Variants in ROCK1 observed in about 807,000 individuals in gnomAD.
ROCK1 encodes rho-associated protein kinase 1.
Under a neutral mutation model 196.8 loss-of-function variants are expected in ROCK1, and 36 were observed. That is an observed-to-expected ratio of 0.18 (90% CI 0.14 to 0.24). The LOEUF is 0.24. ROCK1 is among the 10% of genes least tolerant of loss of function. The probability of loss-of-function intolerance (pLI) is 1.00; values close to 1 mark genes in which losing one functional copy is unlikely to be tolerated. For synonymous variants in ROCK1, 443 were observed against 515.9 expected, an observed-to-expected ratio of 0.86 and a Z score of 1.91; for missense variants, 920 against 1,562.0, an observed-to-expected ratio of 0.59 and a Z score of 6.93.
Position 20,970,392 on chromosome 18 carries a change from T to G in ROCK1, c.2776A>C (p.Arg926=), listed in dbSNP as rs45533032. Residue 926 remains arginine, a synonymous_variant, in exon 23 of 33, where the codon AGA becomes CGA. Coordinates refer to ENST00000399799, the MANE Select transcript of ROCK1 (RefSeq NM_005406.3). ...LTQESKKAAS[R]NRQEITDKDH... The stretch of plus-strand genomic sequence containing the variant: ...TTATCTGTAATCTCTTGTCTATTTC[T>G]TGAAGCAGCTTTCTTGCTTTCTTGC... 650 of 1,614,008 alleles carry G rather than the reference T, an allele frequency of 4.0e-4. 1 individual carries two copies. The African/African-American group carries it at 5.7e-3, about 14-fold the overall frequency.
At chr18:21,047,746 C>G (rs896910832) in intron 4 of ROCK1, among the ~76,000 whole-genome samples, 2 of 151,000 alleles carry the variant, frequency 1.3e-5, no homozygotes, top group African/African-American at 4.9e-5. Context: ...TGCAGTGAGC[C>G]GAGATCGCAC....
intron 12 of ROCK1, among the ~76,000 whole-genome samples, chr18:21,018,384 G>A (rs2035882997): frequency 6.6e-6 from 1 of 151,990 alleles, no homozygotes. Context: ...ACCAAAACTA[G>A]CCAGGCGTGG....
intron 12 of ROCK1, among the ~76,000 whole-genome samples, chr18:21,017,147 A>G (rs189508251): frequency 6.7e-6 from 1 of 149,466 alleles, no homozygotes; most frequent in East Asian, 2.0e-4. Context: ...ATATTCCTGT[A>G]TAATTTTATT....
chr18:20,983,501 T>C (rs1251742583), intron 20 of ROCK1, among the ~76,000 whole-genome samples: 1 of 151,906 alleles, frequency 6.6e-6, no homozygotes, highest in African/African-American at 2.4e-5. Context: ...TCAATAATTA[T>C]TTACTGTATA....
At chr18:21,078,359 C>T (rs1442347652) in intron 1 of ROCK1, among the ~76,000 whole-genome samples, 4 of 147,614 alleles carry the variant, frequency 2.7e-5, no homozygotes, top group Non-Finnish European at 5.9e-5. Flanking sequence ...CACACACACA[C>T]ACACACACAC....
Position 21,054,294 on chromosome 18 carries a change from T to C in ROCK1, c.176-4414A>G, listed in dbSNP as rs534067396. Reference sequence around the variant, plus strand: ...AACTTCAAACTTATATATGCAATTGTATATTCTTTAATTATATATTCTTTT... The same window carrying C: ...AACTTCAAACTTATATATGCAATTGCATATTCTTTAATTATATATTCTTTT... On this transcript the variant is annotated intron_variant, in intron 2 of 32. Coordinates refer to ENST00000399799, the MANE Select transcript of ROCK1 (RefSeq NM_005406.3). Among the ~76,000 whole-genome samples, 130 of 152,358 alleles carry C rather than the reference T, an allele frequency of 8.5e-4. 1 individual carries two copies. Among genetic ancestry groups the C allele is most frequent in the Non-Finnish European group, 1.5e-3 (105 of 68,030 alleles).
rs553340416 is a variant in ROCK1 at position 20,949,191 on chromosome 18, G to A, written c.*2193C>T. 6.6e-6 allele frequency: 1 copy of A among 152,206 alleles called. No homozygotes were observed. Among genetic ancestry groups the A allele is most frequent in the East Asian group, 1.9e-4 (1 of 5,188 alleles). 9.4% of individuals were successfully genotyped at this position (152,206 alleles called of 1,614,324 possible). ...GCTTAAACTAATTAGAATTAACTCT[G>A]TTCTCTGCAACTGGACCTTAAAATA... On this transcript the variant is annotated 3_prime_UTR_variant, in exon 33 of 33. Coordinates refer to ENST00000399799, the MANE Select transcript of ROCK1 (RefSeq NM_005406.3).
rs192335268 is a variant in ROCK1, at chr18:21,038,157, A to G, written c.1051+1315T>C. Among the ~76,000 whole-genome samples, 183 of 152,258 alleles carry G rather than the reference A, an allele frequency of 1.2e-3. 1 individual carries two copies. The highest frequency in any genetic ancestry group is 3.4e-3 in the Middle Eastern group (1 of 294). ...GAGAATAACCTGAATAAAAACACAA[A>G]AAGTGTTTTGATGTAACCATTTCTC... On this transcript the variant is annotated intron_variant, in intron 9 of 32. Coordinates refer to ENST00000399799, the MANE Select transcript of ROCK1 (RefSeq NM_005406.3).
At chr18:20,999,015 C>CT (rs1396308027) in intron 16 of ROCK1, among the ~76,000 whole-genome samples, 1 of 151,970 alleles carries the variant, frequency 6.6e-6, no homozygotes, top group East Asian at 1.9e-4. Flanking sequence ...CCAGTATTAC[C>CT]TTGATACCAA....
At chr18:21,021,091 G>C (rs144184373) in intron 11 of ROCK1, among the ~76,000 whole-genome samples, 2 of 152,314 alleles carry the variant, frequency 1.3e-5, no homozygotes, top group Admixed American at 1.3e-4. Context: ...GGAATGAAGA[G>C]GAAGTAATGG....
chr18:21,039,347 C>T (rs2143498570), intron 9 of ROCK1, 125 bp downstream of exon 9: 2 of 672,372 alleles, frequency 3.0e-6, no homozygotes, highest in Non-Finnish European at 5.1e-6. Flanking sequence ...GGACAATTCC[C>T]ATATAGTATT....
chr18:21,058,761 C>G (rs1181393722), intron 2 of ROCK1, among the ~76,000 whole-genome samples: 2 of 152,050 alleles, frequency 1.3e-5, no homozygotes, highest in Non-Finnish European at 2.9e-5. Context: ...TGTATTTTTG[C>G]AGAGACACAG....
At chr18:20,955,286 T>C in intron 29 of ROCK1, 41 bp from the exon 30 acceptor site, 1 of 1,545,394 alleles carries the variant, frequency 6.5e-7, no homozygotes, top group Non-Finnish European at 8.7e-7. Flanking sequence ...AAAAACTCAT[T>C]TATTGTAAAA....
chr18:21,096,925 A>G (rs1486437020), intron 1 of ROCK1, among the ~76,000 whole-genome samples: 2 of 152,212 alleles, frequency 1.3e-5, no homozygotes, highest in Non-Finnish European at 2.9e-5. Flanking sequence ...AAATTTCATG[A>G]GACTACAGGA....
chr18:21,100,866 C>T (rs2036653643), intron 1 of ROCK1, among the ~76,000 whole-genome samples: 1 of 152,192 alleles, frequency 6.6e-6, no homozygotes, highest in Admixed American at 6.5e-5. Flanking sequence ...CAGCTGCTTT[C>T]CTCTTCCCTG....
chr18:21,061,174 G>T (rs1375291829), intron 2 of ROCK1, among the ~76,000 whole-genome samples: 1 of 151,578 alleles, frequency 6.6e-6, no homozygotes, highest in Admixed American at 6.6e-5. Context: ...CACTTCCCAG[G>T]TTTAATTGAT....
At chr18:21,070,673 T>C (rs2036376566) in intron 1 of ROCK1, 60 bp from the exon 2 acceptor site, 2 of 1,035,602 alleles carry the variant, frequency 1.9e-6, no homozygotes, top group Non-Finnish European at 2.8e-6. Context: ...TCTCCTTTTT[T>C]ATGAAAGAAT....
rs372466366 is a variant in ROCK1 at position 20,992,897 on chromosome 18, T to C, written c.1926A>G (p.Lys642=). The part of the protein sequence containing the change: ...TSLQEEVKHL[K]HNLEKVEGER... Reference sequence around the variant, plus strand: ...CTCCTTCCACTTTTTCGAGATTATGTTTGAGATGCTTCACCTCCTCTTGTA... The same window carrying C: ...CTCCTTCCACTTTTTCGAGATTATGCTTGAGATGCTTCACCTCCTCTTGTA... Residue 642 remains lysine, a synonymous_variant, in exon 17 of 33, where the codon AAA becomes AAG. Transcript: ENST00000399799. 3 of 1,612,570 alleles carry C rather than the reference T, an allele frequency of 1.9e-6. No individual in the cohort carries two copies. The highest frequency in any genetic ancestry group is 2.7e-5 in the African/African-American group (2 of 74,898).
chr18:21,012,952 T>A (rs2035831594), intron 13 of ROCK1, among the ~76,000 whole-genome samples: 2 of 152,234 alleles, frequency 1.3e-5, no homozygotes, highest in Admixed American at 1.3e-4. Context: ...TCAGTTATTG[T>A]AATTTTTGGT....
Sources: allele counts gnomAD v4.1 joint callset (sites outside exome capture counted in the v4.1 genomes callset), GRCh38; gene constraint gnomAD v4.1.1; transcripts MANE v1.5; gene names NCBI Gene and HGNC (gene_info 2026-07-23, HGNC 2026-07-21).